Variants in CES4A observed in about 807,000 individuals in gnomAD.
CES4A encodes the protein carboxylesterase 6.
Under a neutral mutation model 65.4 loss-of-function variants are expected in CES4A, and 48 were observed. That is an observed-to-expected ratio of 0.73 (90% CI 0.58 to 0.93). The LOEUF is 0.93. Among genes scored for constraint, CES4A ranks in the 40% least tolerant of loss-of-function variants. The pLI is 0.00. For synonymous variants in CES4A, 247 were observed against 281.8 expected (o/e 0.88, Z 1.24); for missense variants, 685 against 728.5 (o/e 0.94, Z 0.69).
At chr16:66,994,470 T>C (rs1418823218) in intron 1 of CES4A, among the ~76,000 whole-genome samples, 1 of 150,524 alleles carries the variant, frequency 6.6e-6, no homozygotes, top group African/African-American at 2.4e-5. Context: ...CTTGGCCTCC[T>C]GAAGTGCTGG....
intron 1 of CES4A, among the ~76,000 whole-genome samples, chr16:66,990,734 A>G (rs1308794908): frequency 6.6e-6 from 1 of 152,074 alleles, no homozygotes; most frequent in East Asian, 1.9e-4. Flanking sequence ...AAAAGAAAAG[A>G]AAGAATGAAT....
At chr16:66,996,159 T>G (rs987030131) in intron 2 of CES4A, 1 of 443,120 alleles carries the variant, frequency 2.3e-6, no homozygotes, top group Non-Finnish European at 4.3e-6. Flanking sequence ...TGCCTCAGCC[T>G]CTGAGTATCT....
rs140418356 is a variant in CES4A at position 66,989,028 on chromosome 16, C to A, written c.58+198C>A. ...GGACAAGTCCTTTAGCCTCCCTGAA[C>A]CTCAGGGCTTCTCTGTATTTCCTGC... On this transcript the variant is annotated intron_variant, in intron 1 of 13. Transcript: ENST00000648724. Among the ~76,000 whole-genome samples, 842 of 152,286 alleles carry A rather than the reference C, an allele frequency of 5.5e-3. 3 individuals carry two copies. Among genetic ancestry groups the A allele is most frequent in the African/African-American group, 0.019 (786 of 41,562 alleles).
intron 13 of CES4A, 193 bp from the exon 14 acceptor site, chr16:67,008,781 C>T (rs1965971491): frequency 1.7e-6 from 1 of 602,754 alleles, no homozygotes. Flanking sequence ...CAACCTGGCA[C>T]ATACTGTTTG....
chr16:66,996,533 A>ACAATGAC (rs1448856545), intron 2 of CES4A, among the ~76,000 whole-genome samples: 4 of 152,226 alleles, frequency 2.6e-5, no homozygotes, highest in African/African-American at 9.6e-5. Context: ...CATAATTAGA[A>ACAATGAC]CAATGACTGC....
chr16:66,989,553 T>C (rs1269858622), intron 1 of CES4A, among the ~76,000 whole-genome samples: 1 of 152,006 alleles, frequency 6.6e-6, no homozygotes, highest in Non-Finnish European at 1.5e-5. Context: ...TCTCTATTTT[T>C]AAAAAACATT....
chr16:66,999,887 G>C (rs955714506), intron 2 of CES4A, among the ~76,000 whole-genome samples: 1 of 152,280 alleles, frequency 6.6e-6, no homozygotes, highest in South Asian at 2.1e-4. Flanking sequence ...CCTTAAACAC[G>C]AATAGGAGTT....
chr16:66,996,106 C>G (rs140153788), intron 2 of CES4A: 1 of 536,400 alleles, frequency 1.9e-6, no homozygotes. Context: ...GGCACGATCT[C>G]GGCTCACTGC....
exon 2 of CES4A, chr16:66,995,742 G>C (rs748351246): frequency 6.2e-7 from 1 of 1,614,212 alleles, no homozygotes; most frequent in Non-Finnish European, 8.5e-7. Flanking sequence ...CCCTTCTCCA[G>C]ACCTCCTCTA....
chr16:66,995,539 G>T, intron 1 of CES4A, 89 bp from the exon 2 acceptor site: 1 of 1,106,368 alleles, frequency 9.0e-7, no homozygotes, highest in Non-Finnish European at 1.4e-6. Context: ...CAGGTGCCTT[G>T]GTCCCATTTG....
chr16:67,008,556 T>A (rs1044127931), intron 13 of CES4A: 3 of 159,088 alleles, frequency 1.9e-5, no homozygotes, highest in South Asian at 1.8e-4. Flanking sequence ...ACCCGCCACC[T>A]CGCCCGGCTT....
In CES4A at chr16:67,003,137, G is replaced by C; in HGVS notation, c.758G>C (p.Arg253Thr). The stretch of plus-strand genomic sequence containing the variant: ...TCCCAGAGTGGCACCGCGTTATTCA[G>C]ACTTTTCATCACTAGTAACCCACTG... The change falls in exon 6 of 14, where the codon AGA becomes ACA. Residue 253 changes from arginine to threonine, a missense_variant. Coordinates refer to ENST00000648724, the Ensembl canonical transcript of CES4A. This position sits in a 1 kb window ranked among gnomAD's most constrained non-coding sequence, Gnocchi z 4.2. 1 of 1,614,150 alleles carries C rather than the reference G, an allele frequency of 6.2e-7. No homozygotes were observed. Among genetic ancestry groups the C allele is most frequent in the Non-Finnish European group, 8.5e-7 (1 of 1,180,020 alleles).
chr16:67,005,663 A>C, intron 11 of CES4A: 5 of 360,344 alleles, frequency 1.4e-5, no homozygotes, highest in Non-Finnish European at 2.5e-5. Flanking sequence ...CCTCACCAAC[A>C]TGGTGAAAAC....
intron 1 of CES4A, among the ~76,000 whole-genome samples, chr16:66,989,769 C>T (rs1265105435): frequency 2.6e-5 from 4 of 151,698 alleles, no homozygotes; most frequent in African/African-American, 9.7e-5. Context: ...GCAGGAGAAT[C>T]GCTTGAAGCC....
chr16:66,995,568 A>C (rs1484508185), intron 1 of CES4A, 60 bp from the exon 2 acceptor site: 2 of 1,458,322 alleles, frequency 1.4e-6, no homozygotes, highest in African/African-American at 2.8e-5. Context: ...TGGCTGAGCC[A>C]GGGTCCCATT....
chr16:67,009,333 G>T (rs1966011261), exon 14 of CES4A: 2 of 545,328 alleles, frequency 3.7e-6, no homozygotes, highest in Admixed American at 3.5e-5. Flanking sequence ...GCCCTTTCCA[G>T]CCTGACATCC....
At chr16:67,008,564 CT>C (rs535032788) in intron 13 of CES4A, 29 of 157,512 alleles carry the variant, frequency 1.8e-4, no homozygotes, top group South Asian at 7.3e-4. Context: ...CCTCGCCCGG[CT>C]TTTTTTTTGT....
At position 67,000,818 on chromosome 16, in the gene CES4A, G is replaced by A; in HGVS notation, c.402+39G>A. On this transcript the variant is annotated intron_variant, in intron 3 of 13. Transcript: ENST00000648724. This position sits in a 1 kb window ranked among gnomAD's most constrained non-coding sequence, Gnocchi z 4.2. Reference sequence around the variant, plus strand: ...CTCCCGCGCCCGCGGTCCCACCGCCGCCCACCGCCCCGCTCAGATCCCGGC... The same window carrying A: ...CTCCCGCGCCCGCGGTCCCACCGCCACCCACCGCCCCGCTCAGATCCCGGC... 2 of 1,553,948 alleles carry A rather than the reference G, an allele frequency of 1.3e-6. No homozygotes were observed. The highest frequency in any genetic ancestry group is 1.7e-6 in the Non-Finnish European group (2 of 1,147,908).
chr16:67,006,492 T>C (rs1369213765), exon 12 of CES4A: 3 of 1,536,898 alleles, frequency 2.0e-6, no homozygotes, highest in South Asian at 1.2e-5. Flanking sequence ...TGAGATGTAC[T>C]TCCTCTTTGG....
Sources: gnomAD v4.1 joint callset for allele counts (sites outside exome capture counted in the v4.1 genomes callset) on GRCh38, gnomAD v4.1.1 for gene constraint, Gnocchi (gnomAD v3.1) non-coding constraint, MANE v1.5 for transcripts, NCBI Gene and HGNC (gene_info 2026-07-23, HGNC 2026-07-21) for gene names.